Variants in TULP1 observed in about 807,000 individuals in gnomAD.
TULP1 encodes TUB like protein 1.
TULP1 carries 50 observed loss-of-function variants against 67.1 expected under a neutral mutation model. The observed-to-expected ratio is 0.75, with a 90% CI of 0.59 to 0.94. The LOEUF is 0.94. Ranked by LOEUF, TULP1 falls within the 40% of genes least tolerant of loss-of-function variation. The probability of loss-of-function intolerance (pLI) is 0.00; values close to 1 mark genes in which losing one functional copy is unlikely to be tolerated. For missense variants in TULP1, 746 were observed against 734.1 expected (o/e 1.02, Z -0.19); for synonymous variants, 297 against 294.0 (o/e 1.01, Z -0.11).
Position 35,503,619 on chromosome 6 carries a change from C to A in TULP1, c.1263G>T (p.Met421Ile). 6.3e-7 allele frequency: 1 copy of A among 1,599,122 alleles called. No individual in the cohort carries two copies. The highest frequency in any genetic ancestry group is 1.1e-5 in the South Asian group (1 of 88,208). ...NVLGFRGPRR[M>I]TVIIPGMSAE... The stretch of plus-strand genomic sequence containing the variant: ...CACTCATGCCAGGAATGATGACGGT[C>A]ATGCGCCGGGGGCCACGGAAGCCCA... Residue 421 changes from methionine to isoleucine, a missense_variant, in exon 13 of 15, where the codon ATG becomes ATT. Transcript: ENST00000229771. The surrounding 1 kb of genome is among the most constrained non-coding windows in gnomAD (Gnocchi z 4.0).
chr6:35,511,668 C>A lies in TULP1; in HGVS notation c.329G>T (p.Arg110Leu). ...CTCACCGTCCTCCGCGTCTGGGGCA[C>A]GGGCTACCAGAAAGGTTTCCCGGGG... ...RDPRETFLVARAPDAEDEEEE... is the reference protein window; with the variant it reads ...RDPRETFLVALAPDAEDEEEE... Residue 110 changes from arginine (R) to leucine (L), a missense_variant, in exon 4 of 15, where the codon CGT becomes CTT. This residue lies in a region of TULP1 where 359 missense variants were observed against 341.9 expected (regional missense o/e 1.05). Coordinates refer to ENST00000229771, the MANE Select transcript of TULP1 (RefSeq NM_003322.6). 1.9e-6 allele frequency: 3 copies of A among 1,595,640 alleles called. No individual in the cohort carries two copies. Among genetic ancestry groups the A allele is most frequent in the Non-Finnish European group, 2.6e-6 (3 of 1,170,860 alleles).
chr6:35,512,458 C>G (rs1761230569), intron 2 of TULP1, among the ~76,000 whole-genome samples, 181 bp downstream of exon 2: 1 of 152,070 alleles, frequency 6.6e-6, no homozygotes, highest in Admixed American at 6.5e-5. Context: ...GCTCCAAAGT[C>G]CCTATTCCTT....
intron 11 of TULP1, chr6:35,505,440 A>T: frequency 1.8e-6 from 1 of 561,060 alleles, no homozygotes; most frequent in Non-Finnish European, 3.2e-6. Flanking sequence ...CAAGGCAGGC[A>T]CAGTGCCTGC....
Position 35,509,327 on chromosome 6 carries a change from G to A in TULP1, c.719-15C>T, listed in dbSNP as rs764244627. On this transcript the variant is annotated splice_polypyrimidine_tract_variant and intron_variant, in intron 7 of 14. Coordinates refer to ENST00000229771, the MANE Select transcript of TULP1 (RefSeq NM_003322.6). ...TTTGGGAGTGCCTGAGCGTGGAGGGGGAAACAAGGCTGTGAACTCCTCACC... is the reference window on the plus strand; with the variant it reads ...TTTGGGAGTGCCTGAGCGTGGAGGGAGAAACAAGGCTGTGAACTCCTCACC... 3 of 1,612,530 alleles carry A rather than the reference G, an allele frequency of 1.9e-6. No homozygotes were observed. Among genetic ancestry groups the A allele is most frequent in the East Asian group, 4.5e-5 (2 of 44,850 alleles).
rs368716262 is a variant in TULP1, at chr6:35,512,109, G to A, written c.190+71C>T. On this transcript the variant is annotated intron_variant, in intron 3 of 14. Coordinates refer to ENST00000229771, the MANE Select transcript of TULP1 (RefSeq NM_003322.6). ...CGTTCCAGGGCTCGGCGACACCCGC[G>A]CCGGCCCTCAAGCCCCTCCCTTCCG... 75 of 741,722 alleles carry A rather than the reference G, an allele frequency of 1.0e-4. No individual in the cohort carries two copies. In the East Asian group the frequency reaches 4.6e-3, roughly 46 times the overall value. The allele number at this position is 741,722 out of a possible 1,614,324, so 45.9% of individuals were successfully genotyped here.
At chr6:35,509,498 T>G in intron 7 of TULP1, 136 bp downstream of exon 7, 1 of 1,075,608 alleles carries the variant, frequency 9.3e-7, no homozygotes, top group South Asian at 1.3e-5. Context: ...GGGGTCAAGA[T>G]GCCCTGCACG....
intron 11 of TULP1, among the ~76,000 whole-genome samples, chr6:35,504,360 A>C (rs1450265516): frequency 6.6e-6 from 1 of 152,090 alleles, no homozygotes; most frequent in Admixed American, 6.6e-5. Context: ...CAAAACAAAA[A>C]AAAGGGCTGA....
chr6:35,509,840 C>A lies in TULP1; in HGVS notation c.588G>T (p.Lys196Asn). The A allele has an allele frequency of 6.2e-7, 1 of 1,614,086 alleles. No homozygotes were observed. The highest frequency in any genetic ancestry group is 2.2e-5 in the East Asian group (1 of 44,868). ...APAGEGTKMR[K>N]TKKKGSGEAD... Reference sequence around the variant, plus strand: ...GGCTGGGCTCACCTTTCTTCTTGGTCTTTCTCATCTTGGTCCCCTCCCCTG... The same window carrying A: ...GGCTGGGCTCACCTTTCTTCTTGGTATTTCTCATCTTGGTCCCCTCCCCTG... The change falls in exon 6 of 15, where the codon AAG (lysine) becomes AAT (asparagine). Residue 196 changes from lysine to asparagine, a missense_variant. Physicochemically the swap from Lys to Asn is moderately conservative, Grantham distance 94 (BLOSUM62 0). Transcript: ENST00000229771.
At position 35,498,232 on chromosome 6, in the gene TULP1, T is replaced by A; in HGVS notation, c.*95A>T. 15 of 1,538,304 alleles carry A rather than the reference T, an allele frequency of 9.8e-6. No homozygotes were observed. The highest frequency in any genetic ancestry group is 1.3e-5 in the Non-Finnish European group (15 of 1,145,490). On this transcript the variant is annotated 3_prime_UTR_variant, in exon 15 of 15. Transcript: ENST00000229771. This position sits in a 1 kb window ranked among gnomAD's most constrained non-coding sequence, Gnocchi z 6.7. ...GGTCAGCCCCGACACAGGAGCAGTT[T>A]TCCGCGGGAGCTTTGCTGGAGGGAC...
In TULP1 at chr6:35,510,860, C is replaced by T; in HGVS notation, c.499+1G>A. The T allele has an allele frequency of 2.5e-6, 4 of 1,613,880 alleles. No homozygotes were observed. The highest frequency in any genetic ancestry group is 1.1e-5 in the South Asian group (1 of 91,082). On this transcript the variant is annotated splice_donor_variant, in intron 5 of 14. Coordinates refer to ENST00000229771, the MANE Select transcript of TULP1 (RefSeq NM_003322.6). LOFTEE classifies it high-confidence loss of function. ...GCTCTCTCAGCACCCTCAGCACCCACCCCTTGGGCCCTGGGCCTTGGCCCT... is the reference window on the plus strand; with the variant it reads ...GCTCTCTCAGCACCCTCAGCACCCATCCCTTGGGCCCTGGGCCTTGGCCCT...
intron 13 of TULP1, among the ~76,000 whole-genome samples, chr6:35,500,707 A>G (rs1358801155): frequency 6.6e-6 from 1 of 152,096 alleles, no homozygotes; most frequent in Non-Finnish European, 1.5e-5. Flanking sequence ...CTGACCCCCC[A>G]TCTGATTTAG....
intron 5 of TULP1, 131 bp downstream of exon 5, chr6:35,510,729 GA>G (rs1761179244): frequency 1.9e-6 from 3 of 1,590,310 alleles, no homozygotes; most frequent in Non-Finnish European, 2.6e-6. Context: ...ATTATCAGAG[GA>G]AAAACCCTCC....
rs1295074508 is a variant in TULP1 at position 35,503,178 on chromosome 6, T to A, written c.1323+381A>T. Among the ~76,000 whole-genome samples, 1 of 152,158 alleles carries A rather than the reference T, an allele frequency of 6.6e-6. No homozygotes were observed. Among genetic ancestry groups the A allele is most frequent in the Non-Finnish European group, 1.5e-5 (1 of 68,034 alleles). ...TAGTCTCGATCTCCTGACCTCGTGA[T>A]CCGCCCATCTCGGCCTCCCAAAGTG... is the stretch of plus-strand genomic sequence containing the variant. On this transcript the variant is annotated intron_variant, in intron 13 of 14. Transcript: ENST00000229771. The surrounding 1 kb of genome is among the most constrained non-coding windows in gnomAD (Gnocchi z 4.0).
chr6:35,504,166 G>A (rs1259779633), intron 11 of TULP1: 3 of 312,156 alleles, frequency 9.6e-6, no homozygotes, highest in Non-Finnish European at 1.9e-5. Context: ...AAAAACACCC[G>A]CCCTCTGCCC....
In TULP1 at chr6:35,512,260, G is replaced by A. The variant is rs1761225244; in HGVS notation, c.110C>T (p.Pro37Leu). 6 of 1,398,004 alleles carry A rather than the reference G, an allele frequency of 4.3e-6. No homozygotes were observed. Among genetic ancestry groups the A allele is most frequent in the Non-Finnish European group, 5.6e-6 (6 of 1,074,970 alleles). 86.6% of individuals were successfully genotyped at this position (1,398,004 alleles called of 1,614,324 possible). ...CCTCTTCTTCCTTAGCCTCTGTGCC[G>A]GGGCGGGTCGCTGCGGAACGGGGGT... ...APRRPKQRPA[P>L]AQRLRKKRTE... The change falls in exon 3 of 15, where the codon CCG (proline) becomes CTG (leucine). Residue 37 changes from proline to leucine, a missense_variant. Around this residue, in one of 3 missense-constraint regions of TULP1, gnomAD observed 359 missense variants for 341.9 expected, o/e 1.05. Coordinates refer to ENST00000229771, the MANE Select transcript of TULP1 (RefSeq NM_003322.6).
At position 35,512,208 on chromosome 6, in the gene TULP1, G is replaced by A; in HGVS notation, c.162C>T (p.Pro54=). ...KRTEAPESPC[P]TGSKPRKPGA... is the part of the protein sequence containing the mutation. Reference sequence around the variant, plus strand: ...CGGGCTTCCGGGGCTTGGATCCCGTGGGGCAGGGGGATTCGGGGGCCTCCG... The same window carrying A: ...CGGGCTTCCGGGGCTTGGATCCCGTAGGGCAGGGGGATTCGGGGGCCTCCG... The change falls in exon 3 of 15, where the codon CCC becomes CCT. Residue 54 remains proline, a synonymous_variant. Transcript: ENST00000229771. The A allele has an allele frequency of 7.4e-7, 1 of 1,353,726 alleles. No individual in the cohort carries two copies. Among genetic ancestry groups the A allele is most frequent in the Non-Finnish European group, 9.5e-7 (1 of 1,051,808 alleles). 83.9% of individuals were successfully genotyped at this position (1,353,726 alleles called of 1,614,324 possible). A position where few individuals can be genotyped will look rare whatever the true frequency, so the allele number is the denominator to read the frequency against.
chr6:35,498,450 G>C lies in TULP1; in HGVS notation c.1506C>G (p.Ile502Met), dbSNP rs1768754613. 2 of 1,613,890 alleles carry C rather than the reference G, an allele frequency of 1.2e-6. No homozygotes were observed. Among genetic ancestry groups the C allele is most frequent in the Non-Finnish European group, 1.7e-6 (2 of 1,180,022 alleles). The change falls in exon 15 of 15, where the codon ATC (isoleucine) becomes ATG (methionine). Residue 502 changes from isoleucine (I) to methionine (M), a missense_variant. Around this residue, in one of 3 missense-constraint regions of TULP1, gnomAD observed 383 missense variants for 374.1 expected, o/e 1.02. Coordinates refer to ENST00000229771, the MANE Select transcript of TULP1 (RefSeq NM_003322.6). The surrounding 1 kb of genome is among the most constrained non-coding windows in gnomAD (Gnocchi z 6.7). ...QIVHADDPDY[I>M]VLQFGRVAED... ...CCGCCACGCGGCCGAACTGCAGCAC[G>C]ATATAGTCGGCTATGGACACAAGAC...
chr6:35,500,269 T>C, intron 13 of TULP1, 117 bp from the exon 14 acceptor site: 1 of 1,097,558 alleles, frequency 9.1e-7, no homozygotes, highest in Non-Finnish European at 1.4e-6. Context: ...CCTGGACATC[T>C]TCATCCATTA....
At chr6:35,501,315 A>G (rs1760955064) in intron 13 of TULP1, among the ~76,000 whole-genome samples, 1 of 152,022 alleles carries the variant, frequency 6.6e-6, no homozygotes, top group Non-Finnish European at 1.5e-5. Context: ...CAGCCTGGGC[A>G]ACAAAGTGAG....
Sources: allele counts gnomAD v4.1 joint callset (sites outside exome capture counted in the v4.1 genomes callset), GRCh38; gene constraint gnomAD v4.1.1; regional missense constraint gnomAD v4.1.1; non-coding constraint Gnocchi (gnomAD v3.1); transcripts MANE v1.5; gene names NCBI Gene and HGNC (gene_info 2026-07-23, HGNC 2026-07-21).